The following RALGDS variants were observed in gnomAD, a reference collection of about 807,000 sequenced individuals.
The protein encoded by RALGDS is ral guanine nucleotide exchange factor.
In RALGDS, 44 loss-of-function variants were observed where a neutral mutation model predicts 99.8. The observed-to-expected ratio is 0.44, with a 90% CI of 0.35 to 0.57. The LOEUF (loss-of-function observed/expected upper bound fraction) is 0.57, where lower values mean the gene tolerates loss of function less well. Among genes scored for constraint, RALGDS ranks in the 20% least tolerant of loss-of-function variants. The probability of loss-of-function intolerance (pLI) is 0.01; values close to 1 mark genes in which losing one functional copy is unlikely to be tolerated. For missense variants in RALGDS, 1,022 were observed against 1,203.1 expected, an observed-to-expected ratio of 0.85 and a Z score of 2.23; for synonymous variants, 529 against 505.0, an observed-to-expected ratio of 1.05 and a Z score of -0.64.
intron 1 of RALGDS, among the ~76,000 whole-genome samples, chr9:133,115,126 A>G (rs1387526307): frequency 6.6e-6 from 1 of 151,836 alleles, no homozygotes; most frequent in Non-Finnish European, 1.5e-5. Flanking sequence ...GTCTTGAGGA[A>G]CCCTACGGGG....
intron 9 of RALGDS, chr9:133,104,692 A>C: frequency 4.0e-6 from 1 of 247,050 alleles, no homozygotes; most frequent in Non-Finnish European, 8.1e-6. Flanking sequence ...CACACCTATA[A>C]TCCCAGCTAC....
chr9:133,127,642 C>T (rs1832203217), intron 1 of RALGDS, among the ~76,000 whole-genome samples: 1 of 152,238 alleles, frequency 6.6e-6, no homozygotes, highest in South Asian at 2.1e-4. Context: ...GTGGGAACTC[C>T]CGGCACAGCG....
chr9:133,103,634 C>T (rs1250364843), intron 11 of RALGDS, 113 bp downstream of exon 11: 15 of 1,122,572 alleles, frequency 1.3e-5, no homozygotes, highest in Admixed American at 3.4e-5. Flanking sequence ...GTGTCACCAG[C>T]AGGGCACTGA....
chr9:133,103,651 T>C lies in RALGDS; in HGVS notation c.1758+96A>G, dbSNP rs1830866380. On this transcript the variant is annotated intron_variant, in intron 11 of 17. Coordinates refer to ENST00000372050, the MANE Select transcript of RALGDS (RefSeq NM_006266.4). Reference sequence around the variant, plus strand: ...GTCACCAGCAGGGCACTGAGCTGTTTACTCATTGCTGGGACAGGTGTGGCA... The same window carrying C: ...GTCACCAGCAGGGCACTGAGCTGTTCACTCATTGCTGGGACAGGTGTGGCA... The C allele has an allele frequency of 5.6e-6, 7 of 1,246,468 alleles. No homozygotes were observed. In the African/African-American group the frequency reaches 5.9e-5, roughly 11 times the overall value. 77.2% of individuals were successfully genotyped at this position (1,246,468 alleles called of 1,614,324 possible). A position where few individuals can be genotyped will look rare whatever the true frequency, so the allele number is the denominator to read the frequency against.
intron 8 of RALGDS, 47 bp downstream of exon 8, chr9:133,106,598 G>T: frequency 7.1e-7 from 1 of 1,418,246 alleles, no homozygotes; most frequent in South Asian, 1.2e-5. Context: ...TGCCAGCCCT[G>T]TGGGAGGTCC....
At chr9:133,111,757 G>A (rs1474015720) in intron 2 of RALGDS, among the ~76,000 whole-genome samples, 2 of 152,330 alleles carry the variant, frequency 1.3e-5, no homozygotes, top group Admixed American at 6.5e-5. Context: ...AACTTGCAGA[G>A]ACCTAACAGC....
chr9:133,108,297 A>G lies in RALGDS; in HGVS notation c.888T>C (p.Ala296=), dbSNP rs1831172059. 6.4e-7 allele frequency: 1 copy of G among 1,555,290 alleles called. No homozygotes were observed. The highest frequency in any genetic ancestry group is 8.7e-7 in the Non-Finnish European group (1 of 1,150,594). ...VPAPAPEPEP[A]PTPAPGSELE... ...GCTCTGAACCTGGAGCTGGTGTTGG[A>G]GCTGGCTCTGGCTCCGGGGCTGGAG... Residue 296 remains alanine, a synonymous_variant, in exon 6 of 18, where the codon GCT becomes GCC. Coordinates refer to ENST00000372050, the MANE Select transcript of RALGDS (RefSeq NM_006266.4).
At chr9:133,109,483 AC>A (rs1831233613) in intron 4 of RALGDS, 142 bp downstream of exon 4, 1 of 803,176 alleles carries the variant, frequency 1.2e-6, no homozygotes, top group East Asian at 2.5e-5. Context: ...AAGCCCCCAG[AC>A]CCCAGCCCTC....
chr9:133,130,580 G>T (rs967852195), intron 1 of RALGDS, among the ~76,000 whole-genome samples: 4 of 152,214 alleles, frequency 2.6e-5, no homozygotes, highest in African/African-American at 9.7e-5. Flanking sequence ...GGGCAGGCTT[G>T]AAATGAGTAC....
At chr9:133,104,929 G>A (rs1448802741) in intron 9 of RALGDS, among the ~76,000 whole-genome samples, 1 of 152,152 alleles carries the variant, frequency 6.6e-6, no homozygotes, top group East Asian at 1.9e-4. Context: ...GCACCCCAGG[G>A]CTGGCATTCC....
At position 133,107,232 on chromosome 9, in the gene RALGDS, G is replaced by A; in HGVS notation, c.1266C>T (p.Gly422=). 1 of 1,613,748 alleles carries A rather than the reference G, an allele frequency of 6.2e-7. No homozygotes were observed. The highest frequency in any genetic ancestry group is 8.5e-7 in the Non-Finnish European group (1 of 1,180,026). Reference sequence around the variant, plus strand: ...GGATGGTGGGCGCCAGGTGCTCCTTGCCCTTCTTGTCCCGCTGGGACCAGA... The same window carrying A: ...GGATGGTGGGCGCCAGGTGCTCCTTACCCTTCTTGTCCCGCTGGGACCAGA... ...GSIWSQRDKK[G]KEHLAPTIRA... The change falls in exon 7 of 18, where the codon GGC becomes GGT. Residue 422 remains glycine, a synonymous_variant. Transcript: ENST00000372050.
At chr9:133,147,427 C>A (rs1832640160) in intron 1 of RALGDS, among the ~76,000 whole-genome samples, 1 of 152,168 alleles carries the variant, frequency 6.6e-6, no homozygotes, top group Admixed American at 6.5e-5. Context: ...GGAGGGCAGG[C>A]CCCCCTGGGT....
chr9:133,107,325 T>TG, intron 6 of RALGDS, 25 bp from the exon 7 acceptor site: 2 of 1,585,418 alleles, frequency 1.3e-6, no homozygotes, highest in Non-Finnish European at 1.7e-6. Context: ...AAATGTCACC[T>TG]GGTCCTGCCC....
intron 17 of RALGDS, 183 bp downstream of exon 17, chr9:133,100,085 T>C: frequency 1.4e-6 from 1 of 694,056 alleles, no homozygotes; most frequent in South Asian, 1.6e-5. Flanking sequence ...GGGCACACAC[T>C]GGGGAGGTCC....
rs1831923396 is a variant in RALGDS, at chr9:133,121,192, CGCGGCGGGG to C, written c.-47_-39del. On this transcript the variant is annotated 5_prime_UTR_variant, in exon 1 of 18. Transcript: ENST00000372050. ...GCGCGGGCGCGGGGCCGGCCCGGCG[CGCGGCGGGG>C]GCGGCGGCGCGGCCCGCGCGGCTGG... The C allele has an allele frequency of 3.4e-6, 3 of 892,308 alleles. No individual in the cohort carries two copies. The highest frequency in any genetic ancestry group is 1.9e-5 in the African/African-American group (1 of 53,950). The allele number at this position is 892,308 out of a possible 1,614,324, so 55.3% of individuals were successfully genotyped here.
At chr9:133,123,815 GAGAGAC>G (rs1832036240), upstream of RALGDS, among the ~76,000 whole-genome samples, 1 of 19,602 alleles carries the variant, frequency 5.1e-5, no homozygotes, top group African/African-American at 1.6e-4. Flanking sequence ...GACACACACA[GAGAGAC>G]AGAGACACAG....
Position 133,098,710 on chromosome 9 carries a change from G to T in RALGDS, c.2622C>A (p.Ala874=), listed in dbSNP as rs375607757. Residue 874 remains alanine (A), a synonymous_variant, in exon 18 of 18, where the codon GCC becomes GCA. Transcript: ENST00000372050. ...GCTTCTTGAGGACAAAGTCATAGTTGGCGGTAGAGTTCATGGCATAGAAGA... is the reference window on the plus strand; with the variant it reads ...GCTTCTTGAGGACAAAGTCATAGTTTGCGGTAGAGTTCATGGCATAGAAGA... ...ANVFYAMNST[A]NYDFVLKKRT... 5 of 1,614,006 alleles carry T rather than the reference G, an allele frequency of 3.1e-6. No homozygotes were observed. The African/African-American group carries it at 4.0e-5, about 13-fold the overall frequency.
At position 133,098,383 on chromosome 9, in the gene RALGDS, A is replaced by ACCTAAGG; in HGVS notation, c.*197_*203dup. 3 of 608,194 alleles carry ACCTAAGG rather than the reference A, an allele frequency of 4.9e-6. No individual in the cohort carries two copies. The highest frequency in any genetic ancestry group is 8.7e-6 in the Non-Finnish European group (3 of 343,432). 37.7% of individuals were successfully genotyped at this position (608,194 alleles called of 1,614,324 possible). ...CCTCTGGTTCCAGAGAGCAGAAGGC[A>ACCTAAGG]CCTAAGGCAGCGAGTGGTCCACGGG... On this transcript the variant is annotated 3_prime_UTR_variant, in exon 18 of 18. Transcript: ENST00000372050.
At chr9:133,119,986 G>A (rs1193683141) in intron 1 of RALGDS, among the ~76,000 whole-genome samples, 1 of 152,180 alleles carries the variant, frequency 6.6e-6, no homozygotes, top group Non-Finnish European at 1.5e-5. Context: ...ACACGATGCC[G>A]CACGGGGACT....
Sources: gnomAD v4.1 joint callset for allele counts (sites outside exome capture counted in the v4.1 genomes callset) on GRCh38, gnomAD v4.1.1 for gene constraint, MANE v1.5 for transcripts, NCBI Gene and HGNC (gene_info 2026-07-23, HGNC 2026-07-21) for gene names.